ABCA6: variants seen among roughly 807,000 people sequenced by gnomAD.
The protein encoded by ABCA6 is ATP-binding cassette sub-family A member 6.
A neutral mutation model predicts 191.2 loss-of-function variants in ABCA6; 164 were observed. The ratio of observed to expected loss-of-function variants is 0.86; its 90% confidence interval spans 0.76 to 0.98. The LOEUF (loss-of-function observed/expected upper bound fraction) is 0.98. ABCA6 is among the 50% of genes least tolerant of loss of function. The pLI is 0.00. For missense variants in ABCA6, 1,958 were observed against 1,894.1 expected (o/e 1.03, Z -0.63); for synonymous variants, 636 against 647.7 (o/e 0.98, Z 0.27).
chr17:69,085,049 T>C lies in ABCA6; in HGVS notation c.4163A>G (p.Asp1388Gly). ...GTACCTTGCGATGGCGAGCCTCGCG[T>C]CCGCTTTCCTGAGCCCCTTGACGGC... ...YAAVKGLRKADARLAIARLVS... is the reference protein window; with the variant it reads ...YAAVKGLRKAGARLAIARLVS... Residue 1388 changes from aspartate (D) to glycine (G), a missense_variant, in exon 32 of 39, where the codon GAC becomes GGC. Coordinates refer to ENST00000284425, the MANE Select transcript of ABCA6 (RefSeq NM_080284.3). The C allele has an allele frequency of 1.2e-6, 2 of 1,610,970 alleles. No homozygotes were observed. Among genetic ancestry groups the C allele is most frequent in the South Asian group, 1.1e-5 (1 of 90,522 alleles).
At chr17:69,104,775 C>T (rs1465475510) in intron 20 of ABCA6, 1 of 151,506 alleles carries the variant, frequency 6.6e-6, no homozygotes, top group Non-Finnish European at 1.5e-5. Context: ...TTCAACACAG[C>T]CTGGCCAACA....
At chr17:69,096,428 A>T in intron 24 of ABCA6, 75 bp from the exon 25 acceptor site, 1 of 921,796 alleles carries the variant, frequency 1.1e-6, no homozygotes, top group Non-Finnish European at 1.5e-6. Flanking sequence ...ACAACTTTTA[A>T]AAAACAAGTA....
intron 17 of ABCA6, 94 bp from the exon 18 acceptor site, chr17:69,107,906 T>A: frequency 1.3e-6 from 1 of 784,924 alleles, no homozygotes; most frequent in Non-Finnish European, 2.1e-6. Context: ...ATACATAATA[T>A]TGTTAAGAAA....
chr17:69,130,171 G>T (rs553641495), intron 6 of ABCA6, among the ~76,000 whole-genome samples: 1 of 151,998 alleles, frequency 6.6e-6, no homozygotes, highest in African/African-American at 2.4e-5. Context: ...AAAAAAATTA[G>T]CCAGGCATGG....
intron 8 of ABCA6, among the ~76,000 whole-genome samples, chr17:69,125,315 C>T (rs994704671): frequency 1.3e-5 from 2 of 151,516 alleles, no homozygotes; most frequent in Non-Finnish European, 2.9e-5. Context: ...TGCAGTATTA[C>T]AAATATCTAT....
At chr17:69,122,493 C>T (rs531510947) in intron 10 of ABCA6, among the ~76,000 whole-genome samples, 10 of 152,182 alleles carry the variant, frequency 6.6e-5, no homozygotes, top group African/African-American at 2.2e-4. Flanking sequence ...AACAACCCTA[C>T]AAAGTCAATA....
At chr17:69,093,452 T>A (rs2072973598) in intron 25 of ABCA6, among the ~76,000 whole-genome samples, 1 of 152,180 alleles carries the variant, frequency 6.6e-6, no homozygotes, top group African/African-American at 2.4e-5. Context: ...GGTCACAAGA[T>A]AAGTAAGTGA....
chr17:69,127,711 G>T (rs1331945760), intron 8 of ABCA6, among the ~76,000 whole-genome samples: 1 of 152,052 alleles, frequency 6.6e-6, no homozygotes, highest in Non-Finnish European at 1.5e-5. Context: ...AAAATATTTG[G>T]TGGTAGCTAC....
intron 22 of ABCA6, among the ~76,000 whole-genome samples, chr17:69,098,958 C>T (rs1027777439): frequency 1.3e-5 from 2 of 151,998 alleles, no homozygotes; most frequent in African/African-American, 4.8e-5. Context: ...GTATTATTAC[C>T]ACAACAAAAA....
At chr17:69,112,351 A>ACTT in intron 15 of ABCA6, 78 bp from the exon 16 acceptor site, 1 of 1,119,888 alleles carries the variant, frequency 8.9e-7, no homozygotes, top group Non-Finnish European at 1.3e-6. Context: ...CGAGGAGCCA[A>ACTT]GGCTCAGAAG....
intron 36 of ABCA6, 99 bp downstream of exon 36, chr17:69,082,768 CTTTTAT>C: frequency 6.6e-7 from 1 of 1,507,206 alleles, no homozygotes; most frequent in Non-Finnish European, 8.9e-7. Flanking sequence ...AGGTCCCTAA[CTTTTAT>C]TATGAAGCCA....
At chr17:69,126,091 C>A (rs184227492) in intron 8 of ABCA6, among the ~76,000 whole-genome samples, 1 of 151,632 alleles carries the variant, frequency 6.6e-6, no homozygotes, top group Non-Finnish European at 1.5e-5. Context: ...ATAAGGATTG[C>A]GATGGGAAAA....
Position 69,086,748 on chromosome 17 carries a change from A to G in ABCA6, c.3820-13T>C. On this transcript the variant is annotated splice_polypyrimidine_tract_variant and intron_variant, in intron 29 of 38. Coordinates refer to ENST00000284425, the MANE Select transcript of ABCA6 (RefSeq NM_080284.3). The stretch of plus-strand genomic sequence containing the variant: ...TTATAACAGGTTTCTAGAAGAGATG[A>G]CAGCATGATTTTCCTCTTAAATTTC... The G allele has an allele frequency of 6.4e-7, 1 of 1,569,088 alleles. No individual in the cohort carries two copies. Among genetic ancestry groups the G allele is most frequent in the South Asian group, 1.1e-5 (1 of 88,796 alleles).
At chr17:69,088,033 A>G (rs1354152426) in intron 28 of ABCA6, 134 bp downstream of exon 28, 3 of 783,598 alleles carry the variant, frequency 3.8e-6, no homozygotes, top group African/African-American at 3.6e-5. Flanking sequence ...TAAGGCAGCA[A>G]TCCACATTCC....
At chr17:69,106,542 G>A (rs375890532) in intron 18 of ABCA6, among the ~76,000 whole-genome samples, 10 of 136,798 alleles carry the variant, frequency 7.3e-5, no homozygotes, top group African/African-American at 2.5e-4. Flanking sequence ...GCTGTGAGCC[G>A]AGATTGCACC....
chr17:69,135,058 T>C (rs2073928005), intron 4 of ABCA6, among the ~76,000 whole-genome samples: 1 of 151,924 alleles, frequency 6.6e-6, no homozygotes, highest in Admixed American at 6.6e-5. Flanking sequence ...TTTTTGTATT[T>C]TTAGTAGAGA....
At chr17:69,101,690 T>C (rs1259307742) in intron 21 of ABCA6, among the ~76,000 whole-genome samples, 1 of 151,996 alleles carries the variant, frequency 6.6e-6, no homozygotes, top group Non-Finnish European at 1.5e-5. Context: ...ATCCTTACCC[T>C]GCCAAAGAAG....
chr17:69,087,155 G>A (rs576917183), intron 29 of ABCA6, among the ~76,000 whole-genome samples, 198 bp downstream of exon 29: 1 of 152,268 alleles, frequency 6.6e-6, no homozygotes, highest in African/African-American at 2.4e-5. Context: ...TAGGTTTTGT[G>A]TTCTTTTTAG....
chr17:69,138,399 G>A (rs1272602649), intron 2 of ABCA6, among the ~76,000 whole-genome samples: 1 of 152,072 alleles, frequency 6.6e-6, no homozygotes, highest in Non-Finnish European at 1.5e-5. Flanking sequence ...TTGTAAGTTG[G>A]ATTCCTAAGT....
Sources: allele counts gnomAD v4.1 joint callset (sites outside exome capture counted in the v4.1 genomes callset), GRCh38; gene constraint gnomAD v4.1.1; transcripts MANE v1.5; gene names NCBI Gene and HGNC (gene_info 2026-07-23, HGNC 2026-07-21).